Variants in SYNDIG1 observed in about 807,000 individuals in gnomAD.
The protein encoded by SYNDIG1 is synapse differentiation-inducing gene protein 1.
In SYNDIG1, 9 loss-of-function variants were observed where a neutral mutation model predicts 19.4. The ratio of observed to expected loss-of-function variants is 0.46; its 90% CI spans 0.28 to 0.81. The LOEUF is 0.81. Among genes scored for constraint, SYNDIG1 ranks in the 30% least tolerant of loss-of-function variants. The probability of loss-of-function intolerance (pLI) is 0.12; values close to 1 mark genes in which losing one functional copy is unlikely to be tolerated. For missense variants in SYNDIG1, 311 were observed against 343.3 expected (o/e 0.91, Z 0.74); for synonymous variants, 141 against 145.9 (o/e 0.97, Z 0.24).
intron 1 of SYNDIG1, among the ~76,000 whole-genome samples, chr20:24,514,078 A>G (rs374360666): frequency 1.3e-5 from 2 of 152,212 alleles, no homozygotes; most frequent in East Asian, 3.9e-4. Flanking sequence ...AAATGCTGAG[A>G]GATTTTGTCA....
intron 2 of SYNDIG1, among the ~76,000 whole-genome samples, chr20:24,548,667 T>C (rs1431348558): frequency 6.6e-6 from 1 of 152,200 alleles, no homozygotes; most frequent in African/African-American, 2.4e-5. Flanking sequence ...GTGCTGCTGA[T>C]TTGGGTGGAA....
At chr20:24,523,441 G>C (rs953484501) in intron 1 of SYNDIG1, among the ~76,000 whole-genome samples, 1 of 152,102 alleles carries the variant, frequency 6.6e-6, no homozygotes, top group Non-Finnish European at 1.5e-5. Context: ...TTTCAGTTAC[G>C]TTGGGTTTAT....
At chr20:24,478,179 G>T (rs568396725) in intron 1 of SYNDIG1, among the ~76,000 whole-genome samples, 2 of 152,260 alleles carry the variant, frequency 1.3e-5, no homozygotes, top group Non-Finnish European at 2.9e-5. Flanking sequence ...GATTAAAGCT[G>T]GCAGGGCCTG....
intron 2 of SYNDIG1, among the ~76,000 whole-genome samples, chr20:24,574,131 A>T (rs13040375): frequency 0.17 from 26,123 of 152,008 alleles, 2,736 homozygotes; most frequent in Middle Eastern, 0.28. Flanking sequence ...CAAAAAAGCA[A>T]TTGCACCTGA....
chr20:24,605,581 A>AT (rs2058746325), intron 3 of SYNDIG1, among the ~76,000 whole-genome samples: 1 of 152,008 alleles, frequency 6.6e-6, no homozygotes, highest in Non-Finnish European at 1.5e-5. Context: ...TTTCTTATGT[A>AT]TTTTTTTCCT....
intron 3 of SYNDIG1, among the ~76,000 whole-genome samples, chr20:24,608,269 C>T (rs1229537899): frequency 2.0e-5 from 3 of 151,870 alleles, no homozygotes; most frequent in African/African-American, 7.3e-5. Flanking sequence ...CACTCCGCCT[C>T]CCGGGTTCTA....
chr20:24,634,886 C>T (rs1199013578), intron 3 of SYNDIG1, among the ~76,000 whole-genome samples: 2 of 152,154 alleles, frequency 1.3e-5, no homozygotes, highest in Non-Finnish European at 2.9e-5. Flanking sequence ...GCACTACAGT[C>T]CAGTTCTTTA....
intron 3 of SYNDIG1, among the ~76,000 whole-genome samples, chr20:24,600,598 TTTC>T (rs1295822561): frequency 1.3e-5 from 2 of 149,056 alleles, no homozygotes; most frequent in Non-Finnish European, 3.0e-5. Flanking sequence ...TGTCTTCATC[TTTC>T]TTTCTTTTTT....
At chr20:24,527,472 C>G (rs1306583811) in intron 1 of SYNDIG1, among the ~76,000 whole-genome samples, 3 of 151,914 alleles carry the variant, frequency 2.0e-5, no homozygotes, top group African/African-American at 7.3e-5. Flanking sequence ...TATGTAAAGT[C>G]CTTGATGGTC....
chr20:24,581,415 G>A (rs2058320847), intron 2 of SYNDIG1, among the ~76,000 whole-genome samples: 1 of 152,124 alleles, frequency 6.6e-6, no homozygotes, highest in South Asian at 2.1e-4. Flanking sequence ...TGCTCCCTGA[G>A]GTCAAGGGCT....
At chr20:24,569,694 A>G (rs1333629695) in intron 2 of SYNDIG1, among the ~76,000 whole-genome samples, 1 of 152,240 alleles carries the variant, frequency 6.6e-6, no homozygotes, top group Non-Finnish European at 1.5e-5. Context: ...TTACCCCAGA[A>G]AAAAGTGCAA....
chr20:24,522,391 G>A (rs1333790650), intron 1 of SYNDIG1, among the ~76,000 whole-genome samples: 4 of 152,070 alleles, frequency 2.6e-5, no homozygotes, highest in African/African-American at 9.7e-5. Flanking sequence ...GTACCTGGCC[G>A]CATCAAGTTA....
intron 1 of SYNDIG1, among the ~76,000 whole-genome samples, chr20:24,493,319 A>AGCATGCACGT (rs2146323306): frequency 6.6e-6 from 1 of 152,078 alleles, no homozygotes; most frequent in East Asian, 1.9e-4. Flanking sequence ...TGGGCACACA[A>AGCATGCACGT]GCATGCACGT....
chr20:24,515,303 C>G (rs1253765658), intron 1 of SYNDIG1, among the ~76,000 whole-genome samples: 1 of 152,072 alleles, frequency 6.6e-6, no homozygotes, highest in African/African-American at 2.4e-5. Context: ...GATAGAGACA[C>G]AAAAAACCCT....
chr20:24,617,503 C>T (rs2147210215), intron 3 of SYNDIG1, among the ~76,000 whole-genome samples: 1 of 152,346 alleles, frequency 6.6e-6, no homozygotes, highest in Non-Finnish European at 1.5e-5. Flanking sequence ...TAATGAGCTT[C>T]TAGACACTGC....
At position 24,576,769 on chromosome 20, in the gene SYNDIG1, C is replaced by T. The variant is rs2058234726; in HGVS notation, c.481-8087C>T. 2.6e-5 allele frequency among the ~76,000 whole-genome samples: 4 copies of T among 152,112 alleles called. No homozygotes were observed. The South Asian group carries it at 8.3e-4, about 32-fold the overall frequency. ...CTCAGGCCCTGACGCCTCCATGGCC[C>T]CCTGTCTCCTCCTCCCCATCCCATC... On this transcript the variant is annotated intron_variant, in intron 2 of 3. Transcript: ENST00000376862.
At chr20:24,492,282 G>A (rs950369195) in intron 1 of SYNDIG1, among the ~76,000 whole-genome samples, 1 of 152,220 alleles carries the variant, frequency 6.6e-6, no homozygotes, top group African/African-American at 2.4e-5. Flanking sequence ...AACACAGAAA[G>A]CAGCCCTTGA....
intron 2 of SYNDIG1, among the ~76,000 whole-genome samples, chr20:24,574,173 A>G (rs952388312): frequency 6.6e-6 from 1 of 152,132 alleles, no homozygotes; most frequent in Non-Finnish European, 1.5e-5. Flanking sequence ...GCAAGGAGCC[A>G]GGCCTCAAGA....
intron 1 of SYNDIG1, among the ~76,000 whole-genome samples, chr20:24,511,199 T>C (rs574613852): frequency 4.7e-4 from 71 of 152,344 alleles, no homozygotes; most frequent in African/African-American, 1.3e-3. Context: ...AAATTTTGAA[T>C]GTCAACCTTT....
Sources: allele counts gnomAD v4.1 joint callset (sites outside exome capture counted in the v4.1 genomes callset), GRCh38; gene constraint gnomAD v4.1.1; transcripts MANE v1.5; gene names NCBI Gene and HGNC (gene_info 2026-07-23, HGNC 2026-07-21).